The following SLC45A3 variants were observed in gnomAD, a reference collection of about 807,000 sequenced individuals.
SLC45A3 encodes the protein prostate cancer associated protein 2.
Under a neutral mutation model 35.3 loss-of-function variants are expected in SLC45A3, and 17 were observed. The ratio of observed to expected loss-of-function variants is 0.48; its 90% CI spans 0.33 to 0.72. SLC45A3 has a LOEUF of 0.72. SLC45A3 is among the 30% of genes least tolerant of loss of function. SLC45A3 has a pLI of 0.02. For synonymous variants in SLC45A3, 288 were observed against 334.3 expected (o/e 0.86, Z 1.51); for missense variants, 597 against 731.7 (o/e 0.82, Z 2.12).
At position 205,658,129 on chromosome 1, in the gene SLC45A3, CAGGGTTGTGGA is replaced by C; in HGVS notation, c.*1094_*1104del. The stretch of plus-strand genomic sequence containing the variant: ...CTTCTGGTCCTGCAGTAGCTCCAAA[CAGGGTTGTGGA>C]GCTGGTGGGGAAAGTTGGGGGTAGG... On this transcript the variant is annotated 3_prime_UTR_variant, in exon 5 of 5. Transcript: ENST00000367145. 1 of 197,160 alleles carries C rather than the reference CAGGGTTGTGGA, an allele frequency of 5.1e-6. No individual in the cohort carries two copies. Among genetic ancestry groups the C allele is most frequent in the Non-Finnish European group, 9.4e-6 (1 of 106,814 alleles). 12.2% of individuals were successfully genotyped at this position (197,160 alleles called of 1,614,324 possible).
rs9783102 is a variant in SLC45A3, at chr1:205,673,115, G to A, written c.-231+7279C>T. 5.2e-3 allele frequency among the ~76,000 whole-genome samples: 789 copies of A among 152,234 alleles called. 7 individuals carry two copies. Among genetic ancestry groups the A allele is most frequent in the African/African-American group, 0.017 (700 of 41,518 alleles). ...TACCAACACAGTGCCAAGGGTCAGCGGTCACCTGAAACTAAGCCGAATAAC... is the reference window on the plus strand; with the variant it reads ...TACCAACACAGTGCCAAGGGTCAGCAGTCACCTGAAACTAAGCCGAATAAC... On this transcript the variant is annotated intron_variant, in intron 1 of 4. Transcript: ENST00000367145.
At chr1:205,676,068 C>T (rs1391139949) in intron 1 of SLC45A3, among the ~76,000 whole-genome samples, 2 of 152,152 alleles carry the variant, frequency 1.3e-5, no homozygotes, top group African/African-American at 4.8e-5. Context: ...GTGACTTTAC[C>T]AGTGTGCCTG....
chr1:205,662,269 T>C lies in SLC45A3; in HGVS notation c.959-143A>G. On this transcript the variant is annotated intron_variant, in intron 3 of 4. Coordinates refer to ENST00000367145, the MANE Select transcript of SLC45A3 (RefSeq NM_033102.3). This position sits in a 1 kb window ranked among gnomAD's most constrained non-coding sequence, Gnocchi z 6.2. Reference sequence around the variant, plus strand: ...CCTGCTCCCCAGCACCCTTCCCCTTTCTACCTCTAGCAATGGGAGTCTAGG... The same window carrying C: ...CCTGCTCCCCAGCACCCTTCCCCTTCCTACCTCTAGCAATGGGAGTCTAGG... 1 of 1,435,438 alleles carries C rather than the reference T, an allele frequency of 7.0e-7. No individual in the cohort carries two copies. 88.9% of individuals were successfully genotyped at this position (1,435,438 alleles called of 1,614,324 possible).
intron 1 of SLC45A3, among the ~76,000 whole-genome samples, chr1:205,665,729 C>A (rs1346017528): frequency 6.6e-6 from 1 of 152,174 alleles, no homozygotes; most frequent in Non-Finnish European, 1.5e-5. Flanking sequence ...TTTTTCGGTG[C>A]TCTTTTCAAT....
chr1:205,672,071 G>A (rs1010996579), intron 1 of SLC45A3, among the ~76,000 whole-genome samples: 3 of 152,150 alleles, frequency 2.0e-5, no homozygotes, highest in Non-Finnish European at 4.4e-5. Context: ...TGTGGAGTGT[G>A]TTTGAGATAC....
At chr1:205,661,021 T>C (rs1558033499) in intron 4 of SLC45A3, among the ~76,000 whole-genome samples, 1 of 152,230 alleles carries the variant, frequency 6.6e-6, no homozygotes, top group Non-Finnish European at 1.5e-5. Flanking sequence ...GAGAGCTCTA[T>C]GAGAGCAGTC....
chr1:205,666,063 C>T lies in SLC45A3; in HGVS notation c.-230-1177G>A, dbSNP rs777633186. On this transcript the variant is annotated intron_variant, in intron 1 of 4. Transcript: ENST00000367145. This position sits in a 1 kb window ranked among gnomAD's most constrained non-coding sequence, Gnocchi z 4.1. ...CAGGCATGGTGGCAGGTGCCTCCAC[C>T]ACCCCCAGCCCCTACTCATGCCCTC... Among the ~76,000 whole-genome samples the T allele has an allele frequency of 5.3e-5, 8 of 152,096 alleles. No homozygotes were observed. Among genetic ancestry groups the T allele is most frequent in the Non-Finnish European group, 1.0e-4 (7 of 68,020 alleles).
Position 205,659,763 on chromosome 1 carries a change from T to A in SLC45A3, c.1225-92A>T. 4 of 1,205,162 alleles carry A rather than the reference T, an allele frequency of 3.3e-6. No individual in the cohort carries two copies. Among genetic ancestry groups the A allele is most frequent in the Non-Finnish European group, 3.4e-6 (3 of 889,562 alleles). 74.7% of individuals were successfully genotyped at this position (1,205,162 alleles called of 1,614,324 possible). On this transcript the variant is annotated intron_variant, in intron 4 of 4. Transcript: ENST00000367145. This position sits in a 1 kb window ranked among gnomAD's most constrained non-coding sequence, Gnocchi z 5.8. Reference sequence around the variant, plus strand: ...CTGTGAGAACAGACCCTTGCCTCCATCCCAGGGGCAATGGGACTTCATGAG... The same window carrying A: ...CTGTGAGAACAGACCCTTGCCTCCAACCCAGGGGCAATGGGACTTCATGAG...
In SLC45A3 at chr1:205,663,710, C is replaced by T; in HGVS notation, c.173-92G>A. 3 of 1,283,778 alleles carry T rather than the reference C, an allele frequency of 2.3e-6. No individual in the cohort carries two copies. The African/African-American group carries it at 4.4e-5, about 19-fold the overall frequency. 79.5% of individuals were successfully genotyped at this position (1,283,778 alleles called of 1,614,324 possible). A position where few individuals can be genotyped will look rare whatever the true frequency, so the allele number is the denominator to read the frequency against. ...AGCTCCGTGAGAAGGATGGAAATAA[C>T]ATTCCGTACTCGACACTGTGCTACG... On this transcript the variant is annotated intron_variant, in intron 2 of 4. Transcript: ENST00000367145.
chr1:205,665,642 T>C (rs1483005621), intron 1 of SLC45A3, among the ~76,000 whole-genome samples: 1 of 152,160 alleles, frequency 6.6e-6, no homozygotes, highest in Non-Finnish European at 1.5e-5. Context: ...ATGATACCAG[T>C]GACTCCCCCA....
rs568706372 is a variant in SLC45A3, at chr1:205,664,197, C to T, written c.172+288G>A. Among the ~76,000 whole-genome samples the T allele has an allele frequency of 6.6e-6, 1 of 152,192 alleles. No individual in the cohort carries two copies. Among genetic ancestry groups the T allele is most frequent in the Non-Finnish European group, 1.5e-5 (1 of 68,034 alleles). ...TTGTAAGCATTAAATGAGATAATCGCTATAAATTATAAAAGGGCTAGCCAA... is the reference window on the plus strand; with the variant it reads ...TTGTAAGCATTAAATGAGATAATCGTTATAAATTATAAAAGGGCTAGCCAA... On this transcript the variant is annotated intron_variant, in intron 2 of 4. Coordinates refer to ENST00000367145, the MANE Select transcript of SLC45A3 (RefSeq NM_033102.3). This position sits in a 1 kb window ranked among gnomAD's most constrained non-coding sequence, Gnocchi z 5.3.
chr1:205,662,309 C>G lies in SLC45A3; in HGVS notation c.959-183G>C. ...GGGAGTCTAGGTTCTTCCACTGACC[C>G]TCAGAGAATGTGGGCAACGCCCCTT... On this transcript the variant is annotated intron_variant, in intron 3 of 4. Transcript: ENST00000367145. The surrounding 1 kb of genome is among the most constrained non-coding windows in gnomAD (Gnocchi z 6.2). 7.0e-7 allele frequency: 1 copy of G among 1,424,182 alleles called. No individual in the cohort carries two copies. The allele number at this position is 1,424,182 out of a possible 1,614,324, so 88.2% of individuals were successfully genotyped here.
At chr1:205,670,533 G>A (rs931446071) in intron 1 of SLC45A3, among the ~76,000 whole-genome samples, 19 of 152,252 alleles carry the variant, frequency 1.2e-4, no homozygotes, top group African/African-American at 4.6e-4. Context: ...CAGTGGGACG[G>A]GGGACCCCAG....
In SLC45A3 at chr1:205,662,176, A is replaced by C. The variant is rs752778852; in HGVS notation, c.959-50T>G. The C allele has an allele frequency of 4.9e-5, 77 of 1,572,312 alleles. 1 individual carries two copies. In the South Asian group the frequency reaches 8.7e-4, roughly 18 times the overall value. On this transcript the variant is annotated intron_variant, in intron 3 of 4. Transcript: ENST00000367145. This position sits in a 1 kb window ranked among gnomAD's most constrained non-coding sequence, Gnocchi z 6.2. ...ACAGAGCCTGGGAGGGAAGGGTCGGAGCAGTCTCAGGGAGATGAGAAGGCG... is the reference window on the plus strand; with the variant it reads ...ACAGAGCCTGGGAGGGAAGGGTCGGCGCAGTCTCAGGGAGATGAGAAGGCG...
chr1:205,661,927 C>G lies in SLC45A3; in HGVS notation c.1158G>C (p.Gly386=). Reference sequence around the variant, plus strand: ...GGATCTGCAGGGCTGAGAAGGTGAACCCGGTGAGGGCGGCTGAAGCTGTCA... The same window carrying G: ...GGATCTGCAGGGCTGAGAAGGTGAAGCCGGTGAGGGCGGCTGAAGCTGTCA... ...AVVTASAALT[G]FTFSALQILP... Residue 386 remains glycine, a synonymous_variant, in exon 4 of 5, where the codon GGG becomes GGC. Transcript: ENST00000367145. 1 of 1,614,186 alleles carries G rather than the reference C, an allele frequency of 6.2e-7. No homozygotes were observed. The highest frequency in any genetic ancestry group is 8.5e-7 in the Non-Finnish European group (1 of 1,180,048).
chr1:205,663,195 A>G lies in SLC45A3; in HGVS notation c.596T>C (p.Leu199Pro), dbSNP rs1303339201. ...APYLGTQEEC[L>P]FGLLTLIFLT... is the part of the protein sequence containing the mutation. ...GAAGATGAGGGTGAGCAGGCCAAAG[A>G]GGCACTCCTCCTGGGTGCCCAGGTA... The change falls in exon 3 of 5, where the codon CTC becomes CCC. Residue 199 changes from leucine to proline, a missense_variant. Leu to Pro is a moderately conservative substitution (Grantham distance 98). Coordinates refer to ENST00000367145, the MANE Select transcript of SLC45A3 (RefSeq NM_033102.3). The G allele has an allele frequency of 6.2e-7, 1 of 1,613,080 alleles. No individual in the cohort carries two copies. Among genetic ancestry groups the G allele is most frequent in the Non-Finnish European group, 8.5e-7 (1 of 1,179,952 alleles).
At chr1:205,665,514 A>G (rs1281346538) in intron 1 of SLC45A3, among the ~76,000 whole-genome samples, 1 of 152,160 alleles carries the variant, frequency 6.6e-6, no homozygotes. Context: ...CCTGAGTTCA[A>G]CGTTCAAGGG....
intron 1 of SLC45A3, among the ~76,000 whole-genome samples, chr1:205,665,992 G>GCCA (rs1280643845): frequency 2.0e-5 from 3 of 152,112 alleles, no homozygotes; most frequent in Non-Finnish European, 4.4e-5. Flanking sequence ...GACCAGCCTG[G>GCCA]CCAACATGGT....
In SLC45A3 at chr1:205,659,153, C is replaced by T. The variant is rs542897164; in HGVS notation, c.*81G>A. ...CAGCAACAGAAACTGGCGGCCAGCC[C>T]GGCAGCCCCATGGGGCTAACAGGAG... On this transcript the variant is annotated 3_prime_UTR_variant, in exon 5 of 5. Coordinates refer to ENST00000367145, the MANE Select transcript of SLC45A3 (RefSeq NM_033102.3). The surrounding 1 kb of genome is among the most constrained non-coding windows in gnomAD (Gnocchi z 5.8). The T allele has an allele frequency of 5.2e-5, 74 of 1,418,808 alleles. No individual in the cohort carries two copies. The highest frequency in any genetic ancestry group is 3.9e-4 in the African/African-American group (27 of 69,896). 87.9% of individuals were successfully genotyped at this position (1,418,808 alleles called of 1,614,324 possible).
Sources: gnomAD v4.1 joint callset for allele counts (sites outside exome capture counted in the v4.1 genomes callset) on GRCh38, gnomAD v4.1.1 for gene constraint, Gnocchi (gnomAD v3.1) non-coding constraint, MANE v1.5 for transcripts, NCBI Gene and HGNC (gene_info 2026-07-23, HGNC 2026-07-21) for gene names.